Variants in DPH6 observed in about 807,000 individuals in gnomAD.
DPH6 encodes the protein diphthine--ammonia ligase.
In DPH6, 33 loss-of-function variants were observed where a neutral mutation model predicts 38.2. The observed-to-expected ratio is 0.86, with a 90% confidence interval of 0.65 to 1.15. The LOEUF (loss-of-function observed/expected upper bound fraction) is 1.15, where lower values mean the gene tolerates loss of function less well. Ranked by LOEUF, DPH6 falls within the 50% of genes most tolerant of loss-of-function variation. The probability of loss-of-function intolerance (pLI) is 0.00; values close to 1 mark genes in which losing one functional copy is unlikely to be tolerated. For missense variants in DPH6, 325 were observed against 320.0 expected (o/e 1.02, Z -0.12); for synonymous variants, 108 against 103.0 (o/e 1.05, Z -0.30).
chr15:35,240,372 C>A (rs1037029614), intron 3 of DPH6, among the ~76,000 whole-genome samples: 1 of 142,792 alleles, frequency 7.0e-6, no homozygotes, highest in Non-Finnish European at 1.5e-5. Flanking sequence ...TTCCCTCCCT[C>A]CTGTCCCCTC....
chr15:35,201,958 T>C, the DPH6 span, among the ~76,000 whole-genome samples: 1 of 151,846 alleles, frequency 6.6e-6, no homozygotes, highest in East Asian at 1.9e-4. Context: ...CCATTCCCAT[T>C]ATCTCAACTT....
chr15:35,283,041 CTT>C, intron 3 of DPH6: 1 of 176,128 alleles, frequency 5.7e-6, no homozygotes, highest in East Asian at 1.7e-4. Context: ...TCTTCTTCTT[CTT>C]CTTCCTTCTT....
chr15:35,451,183 A>G (rs1309067640), intron 4 of DPH6, among the ~76,000 whole-genome samples: 1 of 152,194 alleles, frequency 6.6e-6, no homozygotes, highest in Non-Finnish European at 1.5e-5. Flanking sequence ...ATAGCCACAT[A>G]TTTATTAAAT....
chr15:35,163,155 T>C, the DPH6 span, among the ~76,000 whole-genome samples: 6 of 151,854 alleles, frequency 4.0e-5, no homozygotes, highest in South Asian at 4.1e-4. Flanking sequence ...GCTAGAGATA[T>C]CACATATTAT....
At chr15:35,247,722 C>T (rs1205027761) in intron 3 of DPH6, among the ~76,000 whole-genome samples, 1 of 152,198 alleles carries the variant, frequency 6.6e-6, no homozygotes, top group Non-Finnish European at 1.5e-5. Context: ...TTTATTGTAT[C>T]TCTTTGCCCC....
At chr15:35,283,747 G>A (rs1422942728) in intron 3 of DPH6, among the ~76,000 whole-genome samples, 1 of 141,528 alleles carries the variant, frequency 7.1e-6, no homozygotes, top group Admixed American at 7.1e-5. Context: ...TTTTCATTGG[G>A]CACAGATAGT....
At chr15:35,163,801 G>A in the DPH6 span, among the ~76,000 whole-genome samples, 1 of 151,812 alleles carries the variant, frequency 6.6e-6, no homozygotes, top group Non-Finnish European at 1.5e-5. Flanking sequence ...TGGTTGCTTG[G>A]TTGGCCTTGA....
At chr15:35,268,515 T>C (rs569343672) in intron 3 of DPH6, among the ~76,000 whole-genome samples, 1 of 151,768 alleles carries the variant, frequency 6.6e-6, no homozygotes, top group South Asian at 2.1e-4. Context: ...GATTTGTGAG[T>C]TTGCAGCTCT....
chr15:35,246,669 G>C (rs1465857817), intron 3 of DPH6, among the ~76,000 whole-genome samples: 1 of 152,138 alleles, frequency 6.6e-6, no homozygotes, highest in Non-Finnish European at 1.5e-5. Flanking sequence ...CCAGGGATTT[G>C]GCTTTAAAAC....
downstream of DPH6, among the ~76,000 whole-genome samples, chr15:35,213,517 C>T (rs1297664135): frequency 4.6e-5 from 7 of 152,158 alleles, no homozygotes. Flanking sequence ...GATGTTAGTA[C>T]TTTAAGGCCA....
intron 3 of DPH6, among the ~76,000 whole-genome samples, chr15:35,234,012 G>A (rs529436474): frequency 1.4e-4 from 21 of 152,060 alleles, no homozygotes; most frequent in East Asian, 1.9e-4. Context: ...GTTTGTTATC[G>A]TGTATGGCCC....
chr15:35,269,575 T>C (rs980753987), intron 3 of DPH6, among the ~76,000 whole-genome samples: 13 of 151,836 alleles, frequency 8.6e-5, no homozygotes, highest in Non-Finnish European at 1.6e-4. Context: ...TAGCTGGGAC[T>C]ACAGGCGCCC....
At chr15:35,379,236 T>A (rs988688148) in intron 7 of DPH6, among the ~76,000 whole-genome samples, 22 of 152,218 alleles carry the variant, frequency 1.4e-4, no homozygotes, top group Admixed American at 7.9e-4. Context: ...AAAAGATATC[T>A]AATTATAATC....
At chr15:35,348,508 A>G (rs940698099) in intron 3 of DPH6, among the ~76,000 whole-genome samples, 10 of 152,204 alleles carry the variant, frequency 6.6e-5, no homozygotes, top group Admixed American at 6.5e-4. Context: ...CTATAGGTCT[A>G]TTTTTATGTT....
At chr15:35,284,489 T>C (rs543439580) in intron 3 of DPH6, among the ~76,000 whole-genome samples, 1 of 151,762 alleles carries the variant, frequency 6.6e-6, no homozygotes, top group African/African-American at 2.4e-5. Context: ...TAAATATTAA[T>C]GAAAAGAAAA....
intron 5 of DPH6, among the ~76,000 whole-genome samples, chr15:35,414,747 C>A (rs2053414837): frequency 6.6e-6 from 1 of 150,400 alleles, no homozygotes; most frequent in African/African-American, 2.4e-5. Flanking sequence ...TTTTTTTCTG[C>A]TGCACTCATT....
At chr15:35,514,792 A>C (rs1190704959) in intron 3 of DPH6, among the ~76,000 whole-genome samples, 1 of 152,226 alleles carries the variant, frequency 6.6e-6, no homozygotes, top group Non-Finnish European at 1.5e-5. Flanking sequence ...CAAAATTATA[A>C]GCTAAGTGAA....
At chr15:35,390,247 C>T (rs1459254218) in intron 6 of DPH6, among the ~76,000 whole-genome samples, 2 of 152,104 alleles carry the variant, frequency 1.3e-5, no homozygotes, top group African/African-American at 2.4e-5. Flanking sequence ...GTGGGTAACC[C>T]GACCTTTCTC....
chr15:35,191,535 T>A, the DPH6 span, among the ~76,000 whole-genome samples: 1 of 152,174 alleles, frequency 6.6e-6, no homozygotes, highest in Non-Finnish European at 1.5e-5. Flanking sequence ...AGAACAGGGA[T>A]ACGAACCAAA....
Sources: gnomAD v4.1 joint callset for allele counts (sites outside exome capture counted in the v4.1 genomes callset) on GRCh38, gnomAD v4.1.1 for gene constraint, MANE v1.5 for transcripts, NCBI Gene and HGNC (gene_info 2026-07-23, HGNC 2026-07-21) for gene names.